Variants in CHCHD6 observed in about 807,000 individuals in gnomAD.
CHCHD6 encodes MICOS complex subunit MIC25.
Under a neutral mutation model 32.3 loss-of-function variants are expected in CHCHD6, and 28 were observed. The ratio of observed to expected loss-of-function variants is 0.87; its 90% CI spans 0.64 to 1.19. The LOEUF (loss-of-function observed/expected upper bound fraction) is 1.19. Ranked by LOEUF, CHCHD6 falls within the 50% of genes most tolerant of loss-of-function variation. The pLI is 0.00. For missense variants in CHCHD6, 333 were observed against 307.0 expected, an observed-to-expected ratio of 1.08 and a Z score of -0.63; for synonymous variants, 122 against 117.5, an observed-to-expected ratio of 1.04 and a Z score of -0.25.
At chr3:126,709,743 A>G in intron 1 of CHCHD6, among the ~76,000 whole-genome samples, 1 of 152,184 alleles carries the variant, frequency 6.6e-6, no homozygotes, top group Non-Finnish European at 1.5e-5. Context: ...CCTAATAACT[A>G]ATGATGTTGA....
At chr3:126,714,732 C>G (rs1395344761) in intron 1 of CHCHD6, among the ~76,000 whole-genome samples, 1 of 152,160 alleles carries the variant, frequency 6.6e-6, no homozygotes, top group Non-Finnish European at 1.5e-5. Flanking sequence ...GTGCCTAGCA[C>G]CCAGCAGGCC....
chr3:126,797,480 T>C (rs959310583), intron 4 of CHCHD6, among the ~76,000 whole-genome samples: 1 of 152,220 alleles, frequency 6.6e-6, no homozygotes, highest in African/African-American at 2.4e-5. Context: ...TGTTCCCACT[T>C]ATTTGTAGAT....
intron 5 of CHCHD6, among the ~76,000 whole-genome samples, chr3:126,884,208 AAAG>A (rs2077649593): frequency 1.3e-5 from 2 of 152,138 alleles, no homozygotes; most frequent in Non-Finnish European, 2.9e-5. Flanking sequence ...AGACTCTATG[AAAG>A]CACTTGGGGA....
chr3:126,925,940 C>T (rs529119262), intron 6 of CHCHD6, among the ~76,000 whole-genome samples: 126 of 152,328 alleles, frequency 8.3e-4, no homozygotes, highest in Non-Finnish European at 1.6e-3. Context: ...CTGAGGCTGG[C>T]TTGGTGGCGG....
chr3:126,722,139 T>C (rs1049439789), intron 1 of CHCHD6, among the ~76,000 whole-genome samples: 2 of 152,206 alleles, frequency 1.3e-5, no homozygotes, highest in East Asian at 1.9e-4. Context: ...CAAATACTTA[T>C]TATAATTTGA....
intron 5 of CHCHD6, among the ~76,000 whole-genome samples, chr3:126,858,511 G>T (rs368341472): frequency 6.6e-6 from 1 of 152,264 alleles, no homozygotes; most frequent in African/African-American, 2.4e-5. Flanking sequence ...CACCCTCCTC[G>T]CTGGCCTGCA....
chr3:126,772,398 A>G (rs1937559989), intron 4 of CHCHD6, among the ~76,000 whole-genome samples: 1 of 152,112 alleles, frequency 6.6e-6, no homozygotes. Flanking sequence ...GTCTTTAAGA[A>G]CTTCCCTTAT....
At position 126,733,165 on chromosome 3, in the gene CHCHD6, A is replaced by G. The variant is rs1227545633; in HGVS notation, c.354A>G (p.Ala118=). The G allele has an allele frequency of 3.7e-6, 6 of 1,614,106 alleles. No individual in the cohort carries two copies. In the African/African-American group the frequency reaches 5.3e-5, roughly 14 times the overall value. Residue 118 remains alanine (A), a synonymous_variant, in exon 4 of 8, where the codon GCA becomes GCG. Transcript: ENST00000290913. The part of the protein sequence containing the change: ...EREAATKHSK[A]SLPTGEGSIS... Reference sequence around the variant, plus strand: ...AGGCTGCCACCAAGCACTCCAAGGCATCCCTGCCCACGGGCGAAGGCAGCA... The same window carrying G: ...AGGCTGCCACCAAGCACTCCAAGGCGTCCCTGCCCACGGGCGAAGGCAGCA...
chr3:126,831,821 TG>T (rs1940657122), intron 4 of CHCHD6, among the ~76,000 whole-genome samples: 1 of 152,150 alleles, frequency 6.6e-6, no homozygotes, highest in South Asian at 2.1e-4. Flanking sequence ...AGAGTGTGTT[TG>T]GTTTAATGTC....
intron 1 of CHCHD6, among the ~76,000 whole-genome samples, chr3:126,721,948 A>G (rs536615855): frequency 9.2e-5 from 14 of 152,296 alleles, no homozygotes; most frequent in East Asian, 1.9e-4. Context: ...TGGCTGAATA[A>G]TACTCCATTG....
chr3:126,863,265 C>T (rs867051082), intron 5 of CHCHD6, among the ~76,000 whole-genome samples: 3,094 of 136,050 alleles, frequency 0.023, no homozygotes, highest in Admixed American at 0.054. Context: ...CCTCCACCAT[C>T]ACAACCGCCT....
Position 126,917,067 on chromosome 3 carries a change from C to G in CHCHD6, c.566+2317C>G, listed in dbSNP as rs546243412. The stretch of plus-strand genomic sequence containing the variant: ...CCCTTTGTGAATTTGGCTTTATTGT[C>G]ATAGCCTTTCTCATCCTCATATCCC... On this transcript the variant is annotated intron_variant, in intron 6 of 7. Transcript: ENST00000290913. 2.6e-5 allele frequency among the ~76,000 whole-genome samples: 4 copies of G among 152,374 alleles called. No homozygotes were observed. In the South Asian group the frequency reaches 8.3e-4, roughly 32 times the overall value.
chr3:126,787,630 T>C (rs1423812122), intron 4 of CHCHD6, among the ~76,000 whole-genome samples: 1 of 152,226 alleles, frequency 6.6e-6, no homozygotes, highest in Non-Finnish European at 1.5e-5. Context: ...TCTGTTTGTC[T>C]GTTATTGGTG....
At chr3:126,944,245 G>A (rs2078603164) in intron 6 of CHCHD6, among the ~76,000 whole-genome samples, 1 of 152,226 alleles carries the variant, frequency 6.6e-6, no homozygotes. Context: ...CTGGGCACAT[G>A]GTCCAGGGCT....
intron 7 of CHCHD6, chr3:126,957,906 G>A (rs1022214170): frequency 2.6e-5 from 10 of 386,416 alleles, no homozygotes; most frequent in South Asian, 1.4e-4. Flanking sequence ...GTGGGAGGGT[G>A]GCAGAGGCCC....
intron 4 of CHCHD6, among the ~76,000 whole-genome samples, chr3:126,779,559 A>G (rs1937826447): frequency 1.4e-5 from 2 of 145,148 alleles, no homozygotes; most frequent in South Asian, 2.2e-4. Flanking sequence ...AAAAAAAAAG[A>G]ATTTTATAGT....
chr3:126,866,821 G>C (rs917914588), intron 5 of CHCHD6, among the ~76,000 whole-genome samples: 1 of 152,002 alleles, frequency 6.6e-6, no homozygotes, highest in Non-Finnish European at 1.5e-5. Flanking sequence ...TTCCCCCTAC[G>C]TACTTCAATA....
intron 4 of CHCHD6, among the ~76,000 whole-genome samples, chr3:126,756,152 G>A (rs1488376156): frequency 2.6e-5 from 4 of 152,034 alleles, no homozygotes; most frequent in African/African-American, 7.2e-5. Context: ...CACTGTGGTC[G>A]TGATTCTTCA....
chr3:126,863,395 T>A (rs1217505501), intron 5 of CHCHD6, among the ~76,000 whole-genome samples: 1 of 111,972 alleles, frequency 8.9e-6, no homozygotes, highest in Non-Finnish European at 1.8e-5. Context: ...CATCACCACC[T>A]CCTCCTCCTC....
Sources: allele counts gnomAD v4.1 joint callset (sites outside exome capture counted in the v4.1 genomes callset), GRCh38; gene constraint gnomAD v4.1.1; transcripts MANE v1.5; gene names NCBI Gene and HGNC (gene_info 2026-07-23, HGNC 2026-07-21).